Variants in EPHB2 observed in about 807,000 individuals in gnomAD.
EPHB2 encodes the protein EPH receptor B2.
A neutral mutation model predicts 96.4 loss-of-function variants in EPHB2; 18 were observed. The ratio of observed to expected loss-of-function variants is 0.19; its 90% confidence interval spans 0.13 to 0.28. EPHB2 has a LOEUF of 0.28. Among genes scored for constraint, EPHB2 ranks in the 10% least tolerant of loss-of-function variants. EPHB2 has a pLI of 1.00. For synonymous variants in EPHB2, 506 were observed against 534.1 expected, an observed-to-expected ratio of 0.95 and a Z score of 0.72; for missense variants, 989 against 1,355.4, an observed-to-expected ratio of 0.73 and a Z score of 4.25.
intron 3 of EPHB2, among the ~76,000 whole-genome samples, chr1:22,789,366 G>A (rs1644659347): frequency 6.6e-6 from 1 of 152,220 alleles, no homozygotes; most frequent in Non-Finnish European, 1.5e-5. Flanking sequence ...TTGGCAGATG[G>A]AGAGTGGGGG....
At chr1:22,741,693 A>AAAAAAAAAAAAC (rs1557647154) in intron 1 of EPHB2, among the ~76,000 whole-genome samples, 2 of 149,306 alleles carry the variant, frequency 1.3e-5, no homozygotes, top group East Asian at 3.9e-4. Context: ...AAAAAACAAA[A>AAAAAAAAAAAAC]AAACAAAAAA....
At chr1:22,716,144 C>T (rs1372455979) in intron 1 of EPHB2, among the ~76,000 whole-genome samples, 1 of 152,176 alleles carries the variant, frequency 6.6e-6, no homozygotes, top group Non-Finnish European at 1.5e-5. Flanking sequence ...TCCAGAGCCC[C>T]ATCAGGGGAA....
At chr1:22,896,603 G>C in intron 9 of EPHB2, 125 bp downstream of exon 9, 2 of 1,307,562 alleles carry the variant, frequency 1.5e-6, no homozygotes, top group Non-Finnish European at 2.2e-6. Context: ...GTGGTTGCCT[G>C]GTTGCACTAA....
rs771822788 is a variant in EPHB2 at position 22,913,517 on chromosome 1, A to G, written c.2908A>G (p.Ser970Gly). ...TGGCCACCAGAAAAAAATCCTGAACAGTATCCAGGTGATGCGGGCGCAGAT... is the reference window on the plus strand; with the variant it reads ...TGGCCACCAGAAAAAAATCCTGAACGGTATCCAGGTGATGCGGGCGCAGAT... Reference protein sequence around the residue: ...LAGHQKKILNSIQVMRAQMNQ... With the variant: ...LAGHQKKILNGIQVMRAQMNQ... Residue 970 changes from serine to glycine, a missense_variant, in exon 16 of 16, where the codon AGT (serine) becomes GGT (glycine). By Grantham distance (56) the Ser-to-Gly change is moderately conservative. Transcript: ENST00000374630. This position sits in a 1 kb window ranked among gnomAD's most constrained non-coding sequence, Gnocchi z 4.1. The G allele has an allele frequency of 1.2e-6, 2 of 1,614,206 alleles. No individual in the cohort carries two copies. Among genetic ancestry groups the G allele is most frequent in the Admixed American group, 1.7e-5 (1 of 60,032 alleles).
At chr1:22,851,198 A>G (rs1645621127) in intron 3 of EPHB2, among the ~76,000 whole-genome samples, 1 of 152,070 alleles carries the variant, frequency 6.6e-6, no homozygotes, top group Non-Finnish European at 1.5e-5. Flanking sequence ...AGGTCTCACT[A>G]TGTTGCTCAG....
rs1644672059 is a variant in EPHB2, at chr1:22,790,265, A to G, written c.811+5189A>G. ...GGCTTTGCAGTGTATAGGGATTAGG[A>G]CACAATTTTCCCCTATTTATTCACC... On this transcript the variant is annotated intron_variant, in intron 3 of 15. Coordinates refer to ENST00000374630, the MANE Select transcript of EPHB2 (RefSeq NM_017449.5). This position sits in a 1 kb window ranked among gnomAD's most constrained non-coding sequence, Gnocchi z 4.0. Among the ~76,000 whole-genome samples the G allele has an allele frequency of 6.6e-6, 1 of 152,084 alleles. No homozygotes were observed. The highest frequency in any genetic ancestry group is 6.5e-5 in the Admixed American group (1 of 15,282).
chr1:22,852,721 A>C (rs1645640662), intron 3 of EPHB2, among the ~76,000 whole-genome samples: 1 of 152,224 alleles, frequency 6.6e-6, no homozygotes, highest in Non-Finnish European at 1.5e-5. Flanking sequence ...CAACTGGGGA[A>C]CACACAGCAG....
intron 1 of EPHB2, among the ~76,000 whole-genome samples, chr1:22,721,714 C>G (rs1017625514): frequency 6.6e-6 from 1 of 151,962 alleles, no homozygotes; most frequent in Non-Finnish European, 1.5e-5. Context: ...CTCCTGGGCT[C>G]AAGCAATTCT....
chr1:22,856,446 A>G (rs990914836), intron 3 of EPHB2, among the ~76,000 whole-genome samples: 4 of 152,176 alleles, frequency 2.6e-5, no homozygotes, highest in African/African-American at 9.7e-5. Flanking sequence ...TCGAGCCCTG[A>G]GACCTGAGTT....
rs918518112 is a variant in EPHB2 at position 22,913,021 on chromosome 1, C to T, written c.2852+422C>T. ...CAGCCTGACCAACATGGTGAAACCCCGTCTCTACTAAAATGCAAAAAATTA... is the reference window on the plus strand; with the variant it reads ...CAGCCTGACCAACATGGTGAAACCCTGTCTCTACTAAAATGCAAAAAATTA... On this transcript the variant is annotated intron_variant, in intron 15 of 15. Transcript: ENST00000374630. The surrounding 1 kb of genome is among the most constrained non-coding windows in gnomAD (Gnocchi z 4.1). The T allele has an allele frequency of 1.7e-5, 6 of 349,584 alleles. No homozygotes were observed. Among genetic ancestry groups the T allele is most frequent in the African/African-American group, 6.4e-5 (3 of 46,998 alleles). The allele number at this position is 349,584 out of a possible 1,614,324, so 21.7% of individuals were successfully genotyped here.
At chr1:22,735,919 G>A (rs1197407499) in intron 1 of EPHB2, among the ~76,000 whole-genome samples, 1 of 152,178 alleles carries the variant, frequency 6.6e-6, no homozygotes, top group East Asian at 1.9e-4. Flanking sequence ...AGCAGCCTAA[G>A]GTATCTTGTA....
chr1:22,830,430 T>C (rs1049597519), intron 3 of EPHB2, among the ~76,000 whole-genome samples: 2 of 152,320 alleles, frequency 1.3e-5, no homozygotes, highest in African/African-American at 2.4e-5. Flanking sequence ...CTGAGTACAC[T>C]GGGCAAGTGA....
intron 1 of EPHB2, among the ~76,000 whole-genome samples, chr1:22,711,650 G>T (rs1643149752): frequency 6.6e-6 from 1 of 152,020 alleles, no homozygotes; most frequent in African/African-American, 2.4e-5. Context: ...TCCCCGAGAG[G>T]ACTGCGCGGG....
intron 6 of EPHB2, 42 bp downstream of exon 6, chr1:22,882,525 G>T: frequency 6.2e-7 from 1 of 1,611,206 alleles, no homozygotes; most frequent in Non-Finnish European, 8.5e-7. Context: ...CCACCTCCCT[G>T]AGGGCCCCTC....
chr1:22,895,915 C>G (rs1270492886), intron 8 of EPHB2, among the ~76,000 whole-genome samples: 1 of 152,198 alleles, frequency 6.6e-6, no homozygotes, highest in African/African-American at 2.4e-5. Flanking sequence ...CTGCTTTCTG[C>G]ATGAGTTCAG....
chr1:22,852,915 C>T (rs1251346530), intron 3 of EPHB2, among the ~76,000 whole-genome samples: 1 of 152,190 alleles, frequency 6.6e-6, no homozygotes, highest in Non-Finnish European at 1.5e-5. Flanking sequence ...GGTGGAGAGA[C>T]AGATGTTAAT....
At chr1:22,778,419 T>A (rs1032016971) in intron 1 of EPHB2, among the ~76,000 whole-genome samples, 1 of 152,248 alleles carries the variant, frequency 6.6e-6, no homozygotes, top group Admixed American at 6.5e-5. Context: ...TCTGCTCTGC[T>A]CATCTGCTCA....
chr1:22,806,708 C>T (rs769703198), intron 3 of EPHB2, among the ~76,000 whole-genome samples: 8 of 152,258 alleles, frequency 5.3e-5, no homozygotes, highest in Non-Finnish European at 1.2e-4. Context: ...GCCGAGGGCG[C>T]GCCTGGGCGG....
chr1:22,810,550 C>T (rs1159748125), intron 3 of EPHB2, among the ~76,000 whole-genome samples: 2 of 152,242 alleles, frequency 1.3e-5, no homozygotes, highest in Non-Finnish European at 2.9e-5. Flanking sequence ...GTTGTCCTTA[C>T]ACCTCTGCAT....
Sources: allele counts gnomAD v4.1 joint callset (sites outside exome capture counted in the v4.1 genomes callset), GRCh38; gene constraint gnomAD v4.1.1; non-coding constraint Gnocchi (gnomAD v3.1); transcripts MANE v1.5; gene names NCBI Gene and HGNC (gene_info 2026-07-23, HGNC 2026-07-21).